Variants in MOB4 observed in about 807,000 individuals in gnomAD.
MOB4 encodes the protein MOB family member 4, phocein.
Under a neutral mutation model 32.2 loss-of-function variants are expected in MOB4, and 4 were observed. The ratio of observed to expected loss-of-function variants is 0.12; its 90% CI spans 0.06 to 0.28. The LOEUF is 0.28. MOB4 is among the 10% of genes least tolerant of loss of function. The pLI is 1.00. For missense variants in MOB4, 158 were observed against 271.2 expected (o/e 0.58, Z 2.93); for synonymous variants, 88 against 88.1 (o/e 1.00, Z 0.01).
rs139538420 is a variant in MOB4, at chr2:197,527,187, G to A, written c.123+3501G>A. 4.5e-4 allele frequency among the ~76,000 whole-genome samples: 68 copies of A among 152,068 alleles called. 3 individuals carry two copies. In the East Asian group the frequency reaches 0.012, roughly 27 times the overall value. On this transcript the variant is annotated intron_variant, in intron 2 of 7. Coordinates refer to ENST00000323303, the MANE Select transcript of MOB4 (RefSeq NM_015387.5). ...TATCTGCAAAAAAAAGGGGGGCGTC[G>A]ATTGGAATTTAGATAGAGATTGCCT...
In MOB4 at chr2:197,518,657, A is replaced by C. The variant is rs10187815; in HGVS notation, c.60+2511A>C. Reference sequence around the variant, plus strand: ...AGCTCACTGCAGTCGCTGCCTCCCAAGTTCAAGTGATTCTCCTGCCTCAGC... The same window carrying C: ...AGCTCACTGCAGTCGCTGCCTCCCACGTTCAAGTGATTCTCCTGCCTCAGC... On this transcript the variant is annotated intron_variant, in intron 1 of 7. Transcript: ENST00000323303. 5.9e-4 allele frequency among the ~76,000 whole-genome samples: 90 copies of C among 151,398 alleles called. 3 individuals carry two copies. Among genetic ancestry groups the C allele is most frequent in the Non-Finnish European group, 8.8e-5 (6 of 67,838 alleles).
chr2:197,516,020 C>T (rs2086402682), upstream of MOB4: 4 of 1,503,718 alleles, frequency 2.7e-6, no homozygotes, highest in African/African-American at 1.4e-5. Context: ...CCGCTCTGCC[C>T]CGCCCCCCGC....
At chr2:197,539,725 A>G (rs1267232682) in intron 3 of MOB4, among the ~76,000 whole-genome samples, 4 of 152,202 alleles carry the variant, frequency 2.6e-5, no homozygotes, top group African/African-American at 4.8e-5. Context: ...TCCTGTGAAC[A>G]TCTTTATACA....
Position 197,540,095 on chromosome 2 carries a change from G to T in MOB4, c.225-16G>T, listed in dbSNP as rs773867739. On this transcript the variant is annotated splice_polypyrimidine_tract_variant and intron_variant, in intron 3 of 7. Coordinates refer to ENST00000323303, the MANE Select transcript of MOB4 (RefSeq NM_015387.5). ...AGAATAGATATGACTTTTTATTTAT[G>T]TATTTGCATTTTCAGGCAGTTCTGC... The T allele has an allele frequency of 1.3e-6, 2 of 1,589,870 alleles. No individual in the cohort carries two copies. Among genetic ancestry groups the T allele is most frequent in the Non-Finnish European group, 1.7e-6 (2 of 1,169,154 alleles).
Position 197,550,381 on chromosome 2 carries a change from T to A in MOB4, c.541T>A (p.Tyr181Asn). 6.2e-7 allele frequency: 1 copy of A among 1,613,336 alleles called. No individual in the cohort carries two copies. Among genetic ancestry groups the A allele is most frequent in the Non-Finnish European group, 8.5e-7 (1 of 1,179,604 alleles). ...YFHHRQIFDE[Y>N]ENETFLCHRF... Reference sequence around the variant, plus strand: ...TCATCATCGGCAGATATTTGATGAATATGAAGTAAGTATATTTCACTGATT... The same window carrying A: ...TCATCATCGGCAGATATTTGATGAAAATGAAGTAAGTATATTTCACTGATT... The change falls in exon 7 of 8, where the codon TAT (tyrosine) becomes AAT (asparagine). Residue 181 changes from tyrosine (Y) to asparagine (N), a missense_variant. Tyr to Asn is a moderately radical substitution (Grantham distance 143). Transcript: ENST00000323303.
At chr2:197,516,495 C>T in intron 1 of MOB4, 2 of 849,178 alleles carry the variant, frequency 2.4e-6, no homozygotes, top group Non-Finnish European at 3.4e-6. Context: ...CGCGACCAGC[C>T]TGGTGGAGAC....
At chr2:197,549,601 G>A (rs111827532) in intron 6 of MOB4, among the ~76,000 whole-genome samples, 9 of 152,122 alleles carry the variant, frequency 5.9e-5, no homozygotes, top group African/African-American at 2.2e-4. Flanking sequence ...CCAGGCTGGA[G>A]TGCAGTGGCG....
rs1338809431 is a variant in MOB4, at chr2:197,550,290, A to G, written c.450A>G (p.Glu150=). 3.7e-6 allele frequency: 6 copies of G among 1,612,784 alleles called. 1 individual carries two copies. In the South Asian group the frequency reaches 6.6e-5, roughly 18 times the overall value. The change falls in exon 7 of 8, where the codon GAA becomes GAG. Residue 150 remains glutamate (E), a synonymous_variant. Transcript: ENST00000323303. ...CTACTTCTAGGGTTAGCATAAAGGA[A>G]TCATCTGTAGCGAAACTAGGATCAG... ...KYFPSRVSIK[E]SSVAKLGSVC...
intron 5 of MOB4, among the ~76,000 whole-genome samples, chr2:197,545,035 T>G (rs2086970597): frequency 1.3e-5 from 2 of 152,228 alleles, no homozygotes; most frequent in Admixed American, 6.5e-5. Context: ...GACCCAGGAA[T>G]TCCACTCCTT....
intron 1 of MOB4, among the ~76,000 whole-genome samples, chr2:197,517,274 C>A (rs2086431748): frequency 6.6e-6 from 1 of 152,172 alleles, no homozygotes; most frequent in Non-Finnish European, 1.5e-5. Context: ...TAACAAGCTG[C>A]TTCTAGTGCT....
At chr2:197,517,137 T>TA (rs2086429048) in intron 1 of MOB4, among the ~76,000 whole-genome samples, 1 of 152,198 alleles carries the variant, frequency 6.6e-6, no homozygotes, top group African/African-American at 2.4e-5. Flanking sequence ...GAAGGGGGCA[T>TA]ACAGGTATTG....
chr2:197,533,777 G>T, intron 2 of MOB4: 1 of 528,776 alleles, frequency 1.9e-6, no homozygotes, highest in Middle Eastern at 6.2e-4. Flanking sequence ...TCATCATGGT[G>T]TGTGCGTGTG....
At position 197,552,128 on chromosome 2, in the gene MOB4, A is replaced by G. The variant is rs2087108710; in HGVS notation, c.*1482A>G. 1 of 152,348 alleles carries G rather than the reference A, an allele frequency of 6.6e-6. No homozygotes were observed. Among genetic ancestry groups the G allele is most frequent in the Non-Finnish European group, 1.5e-5 (1 of 68,026 alleles). The allele number at this position is 152,348 out of a possible 1,614,324, so 9.4% of individuals were successfully genotyped here. A position where few individuals can be genotyped will look rare whatever the true frequency, so the allele number is the denominator to read the frequency against. ...ACAGTAGTATACTGAGAGTGTGTGTATGTATAGTGTATGCCTTTCCAAGCT... is the reference window on the plus strand; with the variant it reads ...ACAGTAGTATACTGAGAGTGTGTGTGTGTATAGTGTATGCCTTTCCAAGCT... On this transcript the variant is annotated 3_prime_UTR_variant, in exon 8 of 8. Coordinates refer to ENST00000323303, the MANE Select transcript of MOB4 (RefSeq NM_015387.5).
intron 2 of MOB4, among the ~76,000 whole-genome samples, chr2:197,533,064 A>C (rs1207548218): frequency 6.6e-6 from 1 of 152,112 alleles, no homozygotes; most frequent in Non-Finnish European, 1.5e-5. Context: ...GCGCCACTAC[A>C]CTCCAGCCTG....
intron 2 of MOB4, 45 bp from the exon 3 acceptor site, chr2:197,535,485 C>T: frequency 6.6e-7 from 1 of 1,519,210 alleles, no homozygotes. Context: ...TAAGATTTAC[C>T]AGGTGATATA....
chr2:197,543,989 C>T (rs890186548), intron 5 of MOB4, among the ~76,000 whole-genome samples: 1 of 151,902 alleles, frequency 6.6e-6, no homozygotes, highest in Admixed American at 6.6e-5. Flanking sequence ...ATCCGCCCAC[C>T]TCAGCCTCCT....
At chr2:197,533,056 G>A (rs1373930944) in intron 2 of MOB4, among the ~76,000 whole-genome samples, 2 of 152,010 alleles carry the variant, frequency 1.3e-5, no homozygotes, top group East Asian at 1.9e-4. Context: ...CTGAGATTGC[G>A]CCACTACACT....
intron 1 of MOB4, among the ~76,000 whole-genome samples, chr2:197,520,055 C>T (rs551446746): frequency 7.9e-5 from 12 of 152,272 alleles, no homozygotes; most frequent in East Asian, 1.9e-4. Context: ...ACTGTCCAAA[C>T]GGGGACATTG....
At chr2:197,538,562 T>C (rs1433477903) in intron 3 of MOB4, among the ~76,000 whole-genome samples, 2 of 152,202 alleles carry the variant, frequency 1.3e-5, no homozygotes, top group African/African-American at 4.8e-5. Flanking sequence ...TACTCCTTTA[T>C]GTCCGGATAC....
Sources: gnomAD v4.1 joint callset for allele counts (sites outside exome capture counted in the v4.1 genomes callset) on GRCh38, gnomAD v4.1.1 for gene constraint, MANE v1.5 for transcripts, NCBI Gene and HGNC (gene_info 2026-07-23, HGNC 2026-07-21) for gene names.